The following ERMP1 variants were observed in gnomAD, a reference collection of about 807,000 sequenced individuals.
ERMP1 encodes Felix-ina.
In ERMP1, 86 loss-of-function variants were observed where a neutral mutation model predicts 92.0. The ratio of observed to expected loss-of-function variants is 0.93; its 90% CI spans 0.79 to 1.12. The LOEUF (loss-of-function observed/expected upper bound fraction) is 1.12, where lower values mean the gene tolerates loss of function less well. Ranked by LOEUF, ERMP1 falls within the 50% of genes most tolerant of loss-of-function variation. ERMP1 has a pLI of 0.00. For synonymous variants in ERMP1, 530 were observed against 412.8 expected, an observed-to-expected ratio of 1.28 and a Z score of -3.44; for missense variants, 1,342 against 1,116.3, an observed-to-expected ratio of 1.20 and a Z score of -2.88.
In ERMP1 at chr9:5,830,874, T is replaced by C. The variant is rs1586825767; in HGVS notation, c.493A>G (p.Thr165Ala). 7 of 1,614,040 alleles carry C rather than the reference T, an allele frequency of 4.3e-6. No homozygotes were observed. The East Asian group carries it at 1.6e-4, about 36-fold the overall frequency. ...AAGAAATCAATGCTAAAAGAGCCTG[T>C]GGGCCGTTGTACATCTACTGAAATC... The part of the protein sequence containing the change: ...HKISVDVQRP[T>A]GSFSIDFLGG... The change falls in exon 2 of 15, where the codon ACA becomes GCA. Residue 165 changes from threonine to alanine, a missense_variant. Physicochemically the swap from Thr to Ala is moderately conservative, Grantham distance 58. Coordinates refer to ENST00000339450, the MANE Select transcript of ERMP1 (RefSeq NM_024896.3).
chr9:5,794,800 C>T (rs1828347357), intron 13 of ERMP1, among the ~76,000 whole-genome samples: 1 of 152,140 alleles, frequency 6.6e-6, no homozygotes, highest in African/African-American at 2.4e-5. Context: ...TACGGGGGTT[C>T]ATAGGTGAAT....
intron 13 of ERMP1, among the ~76,000 whole-genome samples, chr9:5,793,583 A>G (rs546315703): frequency 1.3e-5 from 2 of 152,204 alleles, no homozygotes; most frequent in African/African-American, 4.8e-5. Context: ...CACATAAATT[A>G]AGAGTCAGTG....
rs548539840 is a variant in ERMP1 at position 5,827,235 on chromosome 9, G to C, written c.641-2016C>G. Among the ~76,000 whole-genome samples the C allele has an allele frequency of 4.6e-5, 7 of 152,292 alleles. No individual in the cohort carries two copies. The South Asian group carries it at 6.2e-4, about 14-fold the overall frequency. The stretch of plus-strand genomic sequence containing the variant: ...GCTTCAATTAGGCCATCCACTAAAA[G>C]GATTTAGGTGATAGTCTATTTCAGG... On this transcript the variant is annotated intron_variant, in intron 2 of 14. Transcript: ENST00000339450.
Position 5,785,305 on chromosome 9 carries a change from C to G in ERMP1, c.*1839G>C, listed in dbSNP as rs977213839. The G allele has an allele frequency of 6.6e-6, 1 of 152,112 alleles. No homozygotes were observed. Among genetic ancestry groups the G allele is most frequent in the Admixed American group, 6.5e-5 (1 of 15,272 alleles). 9.4% of individuals were successfully genotyped at this position (152,112 alleles called of 1,614,324 possible). ...AACACTAATTATATCAGATGAACCA[C>G]GGGGATAGAAAATAGGCCCATTTTT... On this transcript the variant is annotated 3_prime_UTR_variant, in exon 15 of 15. Coordinates refer to ENST00000339450, the MANE Select transcript of ERMP1 (RefSeq NM_024896.3).
intron 13 of ERMP1, among the ~76,000 whole-genome samples, chr9:5,793,952 T>G (rs568671418): frequency 2.6e-5 from 4 of 152,208 alleles, no homozygotes; most frequent in Admixed American, 6.5e-5. Context: ...GTGACATTCA[T>G]AAAGCCTTCT....
chr9:5,831,709 G>A (rs1323060132), intron 1 of ERMP1, among the ~76,000 whole-genome samples: 1 of 152,214 alleles, frequency 6.6e-6, no homozygotes. Context: ...TTAAGTAGCA[G>A]AAACCAATGA....
chr9:5,798,874 T>G lies in ERMP1; in HGVS notation c.2202A>C (p.Arg734=). ...PHIPEINDSI[R]AHCEENAPLC... ...GAGGTGCATTCTCCTCACAGTGAGC[T>G]CGGATACTATCATTGATCTCAGGAA... The change falls in exon 12 of 15, where the codon CGA becomes CGC. Residue 734 remains arginine, a synonymous_variant. Coordinates refer to ENST00000339450, the MANE Select transcript of ERMP1 (RefSeq NM_024896.3). 6.2e-7 allele frequency: 1 copy of G among 1,613,742 alleles called. No individual in the cohort carries two copies. The highest frequency in any genetic ancestry group is 1.1e-5 in the South Asian group (1 of 91,064).
chr9:5,831,782 C>A (rs1052796269), intron 1 of ERMP1, among the ~76,000 whole-genome samples: 1 of 152,076 alleles, frequency 6.6e-6, no homozygotes, highest in South Asian at 2.1e-4. Flanking sequence ...ATGGACCTAG[C>A]CCTCCTAGCA....
intron 4 of ERMP1, among the ~76,000 whole-genome samples, chr9:5,818,300 G>C (rs1829398883): frequency 6.6e-6 from 1 of 152,132 alleles, no homozygotes; most frequent in Non-Finnish European, 1.5e-5. Context: ...GAAAAGGTAT[G>C]TCTGCATGCA....
chr9:5,847,270 A>C (rs904381455), intron 6 of ERMP1, among the ~76,000 whole-genome samples: 2 of 152,148 alleles, frequency 1.3e-5, no homozygotes, highest in African/African-American at 4.8e-5. Flanking sequence ...GTGGATGACT[A>C]TAAACAGGCC....
At chr9:5,857,105 T>C (rs1487166189) in intron 6 of ERMP1, among the ~76,000 whole-genome samples, 2 of 152,154 alleles carry the variant, frequency 1.3e-5, no homozygotes, top group Non-Finnish European at 2.9e-5. Context: ...ATTGCAGCCT[T>C]GATTTCCCTG....
chr9:5,792,970 C>T (rs1411092756), intron 13 of ERMP1, among the ~76,000 whole-genome samples: 1 of 152,064 alleles, frequency 6.6e-6, no homozygotes, highest in African/African-American at 2.4e-5. Flanking sequence ...AAAATAAAAA[C>T]TCATTTTTCC....
chr9:5,812,767 T>A, intron 5 of ERMP1, 122 bp downstream of exon 5: 1 of 1,075,966 alleles, frequency 9.3e-7, no homozygotes, highest in Non-Finnish European at 1.4e-6. Context: ...TGAGTCAATG[T>A]ATATTTCTCA....
At chr9:5,823,037 C>T (rs528144701) in intron 4 of ERMP1, among the ~76,000 whole-genome samples, 92 of 152,278 alleles carry the variant, frequency 6.0e-4, no homozygotes, top group African/African-American at 2.2e-3. Context: ...GTAATCCCAG[C>T]ACTTTGGGAG....
At chr9:5,864,235 A>G (rs1335640648) in intron 5 of ERMP1, among the ~76,000 whole-genome samples, 2 of 152,212 alleles carry the variant, frequency 1.3e-5, no homozygotes, top group Non-Finnish European at 2.9e-5. Flanking sequence ...CATTTTCAAA[A>G]GGAAATAGGA....
Position 5,832,712 on chromosome 9 carries a change from C to T in ERMP1, c.316G>A (p.Glu106Lys), listed in dbSNP as rs979440624. 1.3e-6 allele frequency: 2 copies of T among 1,485,846 alleles called. No homozygotes were observed. The highest frequency in any genetic ancestry group is 1.8e-6 in the Non-Finnish European group (2 of 1,126,280). The allele number at this position is 1,485,846 out of a possible 1,614,324, so 92.0% of individuals were successfully genotyped here. The change falls in exon 1 of 15, where the codon GAG becomes AAG. Residue 106 changes from glutamate to lysine, a missense_variant. Coordinates refer to ENST00000339450, the MANE Select transcript of ERMP1 (RefSeq NM_024896.3). Reference sequence around the variant, plus strand: ...TACCTGGCTTGGAGCGCGTCGAACTCCCCGCGGTGTCCAGCGGCCCCGCGT... The same window carrying T: ...TACCTGGCTTGGAGCGCGTCGAACTTCCCGCGGTGTCCAGCGGCCCCGCGT... ...VLRGAAGHRG[E>K]FDALQARDYL...
At chr9:5,829,927 T>C (rs1051069313) in intron 2 of ERMP1, among the ~76,000 whole-genome samples, 2 of 152,262 alleles carry the variant, frequency 1.3e-5, no homozygotes, top group East Asian at 1.9e-4. Context: ...AAATGGAAGT[T>C]CAATTTAGGG....
intron 4 of ERMP1, among the ~76,000 whole-genome samples, chr9:5,819,376 T>C (rs921797136): frequency 3.3e-5 from 5 of 152,176 alleles, no homozygotes; most frequent in African/African-American, 7.2e-5. Context: ...CATGCACAAA[T>C]GCCTGATAAC....
In ERMP1 at chr9:5,832,004, G is replaced by A. The variant is rs191651316; in HGVS notation, c.338+686C>T. On this transcript the variant is annotated intron_variant, in intron 1 of 14. Coordinates refer to ENST00000339450, the MANE Select transcript of ERMP1 (RefSeq NM_024896.3). The stretch of plus-strand genomic sequence containing the variant: ...AGTAGCTGTTGAAAACTTGACGCCA[G>A]CTTAACACTTCATGAGCTTTGACAC... Among the ~76,000 whole-genome samples the A allele has an allele frequency of 1.8e-4, 28 of 151,662 alleles. No individual in the cohort carries two copies. In the East Asian group the frequency reaches 5.0e-3, roughly 27 times the overall value.
Sources: allele counts gnomAD v4.1 joint callset (sites outside exome capture counted in the v4.1 genomes callset), GRCh38; gene constraint gnomAD v4.1.1; transcripts MANE v1.5; gene names NCBI Gene and HGNC (gene_info 2026-07-23, HGNC 2026-07-21).